The following KCNB2 variants were observed in gnomAD, a reference collection of about 807,000 sequenced individuals.
KCNB2 encodes delayed rectifier potassium channel protein.
In KCNB2, 15 loss-of-function variants were observed where a neutral mutation model predicts 61.5. That is an observed-to-expected ratio of 0.24 (90% CI 0.16 to 0.38). KCNB2 has a LOEUF of 0.38. Among genes scored for constraint, KCNB2 ranks in the 10% least tolerant of loss-of-function variants. The pLI is 1.00. For synonymous variants in KCNB2, 457 were observed against 446.0 expected (o/e 1.02, Z -0.31); for missense variants, 828 against 1,125.2 (o/e 0.74, Z 3.78).
intron 2 of KCNB2, among the ~76,000 whole-genome samples, chr8:72,742,262 G>A (rs899542108): frequency 6.6e-6 from 1 of 152,174 alleles, no homozygotes; most frequent in Non-Finnish European, 1.5e-5. Context: ...CATCTGAGTA[G>A]AAGTTTCTCC....
chr8:72,767,341 C>T (rs997444486), intron 2 of KCNB2, among the ~76,000 whole-genome samples: 5 of 152,164 alleles, frequency 3.3e-5, no homozygotes, highest in African/African-American at 9.7e-5. Context: ...GTTGCACACT[C>T]ATCACCACAA....
chr8:72,726,206 C>G (rs1016941499), intron 2 of KCNB2, among the ~76,000 whole-genome samples: 5 of 152,190 alleles, frequency 3.3e-5, no homozygotes, highest in Non-Finnish European at 5.9e-5. Flanking sequence ...AGAGCTTGCT[C>G]TCTATCTCAT....
chr8:72,626,648 C>T (rs1269522479), intron 2 of KCNB2, among the ~76,000 whole-genome samples: 1 of 152,126 alleles, frequency 6.6e-6, no homozygotes, highest in Non-Finnish European at 1.5e-5. Flanking sequence ...ATAGAAGAGA[C>T]TAAACCTTAG....
intron 2 of KCNB2, among the ~76,000 whole-genome samples, chr8:72,856,013 C>G (rs1402333617): frequency 6.6e-6 from 1 of 152,054 alleles, no homozygotes; most frequent in African/African-American, 2.4e-5. Context: ...AACAAGAAAA[C>G]AAGTCTGTGC....
chr8:72,779,178 G>A (rs1212417715), intron 2 of KCNB2, among the ~76,000 whole-genome samples: 1 of 152,170 alleles, frequency 6.6e-6, no homozygotes, highest in Non-Finnish European at 1.5e-5. Flanking sequence ...TGAGAGACTC[G>A]AGAAGAGAAA....
At chr8:72,682,101 G>A (rs565896647) in intron 2 of KCNB2, among the ~76,000 whole-genome samples, 1 of 152,162 alleles carries the variant, frequency 6.6e-6, no homozygotes, top group Non-Finnish European at 1.5e-5. Flanking sequence ...GAGATAGCAT[G>A]TTACTATTAA....
intron 2 of KCNB2, among the ~76,000 whole-genome samples, chr8:72,816,983 G>A (rs886729433): frequency 1.3e-5 from 2 of 152,112 alleles, no homozygotes; most frequent in Non-Finnish European, 2.9e-5. Flanking sequence ...TGGCTGCAAT[G>A]AAAAGATCAT....
chr8:72,675,318 A>G (rs537702603), intron 2 of KCNB2, among the ~76,000 whole-genome samples: 24 of 152,320 alleles, frequency 1.6e-4, no homozygotes, highest in African/African-American at 5.8e-4. Flanking sequence ...ATTGAAGAAA[A>G]TTGAACAAAA....
intron 2 of KCNB2, among the ~76,000 whole-genome samples, chr8:72,897,509 G>T (rs1267467625): frequency 6.6e-6 from 1 of 152,090 alleles, no homozygotes; most frequent in East Asian, 1.9e-4. Flanking sequence ...TGTAATCTGT[G>T]TAATCATAGA....
Position 72,700,210 on chromosome 8 carries a change from G to A in KCNB2, c.579+131897G>A, listed in dbSNP as rs574602662. On this transcript the variant is annotated intron_variant, in intron 2 of 2. Coordinates refer to ENST00000523207, the MANE Select transcript of KCNB2 (RefSeq NM_004770.3). ...GGTTCTGTTGGGGTTTGGGGGGCAAGGGGAGGGAGACCATTAGGACAAATA... is the reference window on the plus strand; with the variant it reads ...GGTTCTGTTGGGGTTTGGGGGGCAAAGGGAGGGAGACCATTAGGACAAATA... Among the ~76,000 whole-genome samples the A allele has an allele frequency of 4.3e-4, 66 of 152,196 alleles. No homozygotes were observed. The South Asian group carries it at 0.013, about 30-fold the overall frequency.
intron 2 of KCNB2, among the ~76,000 whole-genome samples, chr8:72,667,265 C>A (rs991313221): frequency 6.6e-6 from 1 of 152,062 alleles, no homozygotes; most frequent in South Asian, 2.1e-4. Context: ...TGATGGAGGT[C>A]CTCAGGGATT....
chr8:72,781,359 A>G (rs1341928347), intron 2 of KCNB2, among the ~76,000 whole-genome samples: 1 of 152,126 alleles, frequency 6.6e-6, no homozygotes, highest in African/African-American at 2.4e-5. Flanking sequence ...TTTCACACTG[A>G]AGTCTTTAAT....
chr8:72,836,921 C>T lies in KCNB2; in HGVS notation c.580-99014C>T, dbSNP rs76038222. On this transcript the variant is annotated intron_variant, in intron 2 of 2. Transcript: ENST00000523207. ...TGGGACTTTGTCTCAAAATAACAAA[C>T]AAACAAACAAAATATTATCAACAGC... Among the ~76,000 whole-genome samples the T allele has an allele frequency of 1.7e-3, 261 of 152,182 alleles. 1 individual carries two copies. The highest frequency in any genetic ancestry group is 5.9e-3 in the African/African-American group (247 of 41,526).
At position 72,936,458 on chromosome 8, in the gene KCNB2, T is replaced by A; in HGVS notation, c.1103T>A (p.Ile368Asn). 1 of 1,614,208 alleles carries A rather than the reference T, an allele frequency of 6.2e-7. No individual in the cohort carries two copies. Among genetic ancestry groups the A allele is most frequent in the Non-Finnish European group, 8.5e-7 (1 of 1,180,010 alleles). Residue 368 changes from isoleucine to asparagine, a missense_variant, in exon 3 of 3, where the codon ATC (isoleucine) becomes AAC (asparagine). Ile to Asn is a moderately radical substitution (Grantham distance 149). Coordinates refer to ENST00000523207, the MANE Select transcript of KCNB2 (RefSeq NM_004770.3). The surrounding 1 kb of genome is among the most constrained non-coding windows in gnomAD (Gnocchi z 5.6). ...KDEDATKFTS[I>N]PASFWWATIT... ...GAAGATGCTACCAAGTTCACCAGTA[T>A]CCCTGCATCATTTTGGTGGGCCACC...
At chr8:72,646,691 G>C (rs1273566639) in intron 2 of KCNB2, among the ~76,000 whole-genome samples, 1 of 152,110 alleles carries the variant, frequency 6.6e-6, no homozygotes, top group Non-Finnish European at 1.5e-5. Flanking sequence ...AATTCATAGA[G>C]GCAGAACATA....
chr8:72,780,908 T>A (rs1184090094), intron 2 of KCNB2, among the ~76,000 whole-genome samples: 8 of 152,202 alleles, frequency 5.3e-5, no homozygotes, highest in Admixed American at 5.2e-4. Context: ...TTTTTAATAA[T>A]CATCATTCTG....
chr8:72,706,151 T>A (rs921811986), intron 2 of KCNB2, among the ~76,000 whole-genome samples: 1 of 152,220 alleles, frequency 6.6e-6, no homozygotes, highest in South Asian at 2.1e-4. Flanking sequence ...CTGGTCAGCA[T>A]AGAGTGCAGG....
intron 2 of KCNB2, among the ~76,000 whole-genome samples, chr8:72,599,002 C>T (rs535400748): frequency 1.6e-4 from 24 of 152,228 alleles, no homozygotes; most frequent in South Asian, 8.3e-4. Context: ...GAATCAATAT[C>T]GTGAAAATGG....
chr8:72,872,417 T>C (rs1397158484), intron 2 of KCNB2, among the ~76,000 whole-genome samples: 1 of 152,182 alleles, frequency 6.6e-6, no homozygotes, highest in Non-Finnish European at 1.5e-5. Context: ...CTTCTGCAGT[T>C]TTCTCCCTTC....
Sources: gnomAD v4.1 joint callset for allele counts (sites outside exome capture counted in the v4.1 genomes callset) on GRCh38, gnomAD v4.1.1 for gene constraint, Gnocchi (gnomAD v3.1) non-coding constraint, MANE v1.5 for transcripts, NCBI Gene and HGNC (gene_info 2026-07-23, HGNC 2026-07-21) for gene names.